Variants in PDE4D observed in about 807,000 individuals in gnomAD.
The protein encoded by PDE4D is 3',5'-cyclic-AMP phosphodiesterase 4D.
In PDE4D, 24 loss-of-function variants were observed where a neutral mutation model predicts 87.4. The ratio of observed to expected loss-of-function variants is 0.27; its 90% CI spans 0.20 to 0.39. PDE4D has a LOEUF of 0.39. Ranked by LOEUF, PDE4D falls within the 10% of genes least tolerant of loss-of-function variation. PDE4D has a pLI of 1.00. For synonymous variants in PDE4D, 384 were observed against 383.2 expected (o/e 1.00, Z -0.02); for missense variants, 714 against 1,041.0 (o/e 0.69, Z 4.32).
At chr5:60,476,332 T>A (rs186339691) in intron 1 of PDE4D, among the ~76,000 whole-genome samples, 1 of 152,278 alleles carries the variant, frequency 6.6e-6, no homozygotes, top group East Asian at 1.9e-4. Context: ...TCACAGTATC[T>A]AAATTTGGCT....
intron 1 of PDE4D, among the ~76,000 whole-genome samples, chr5:60,312,859 G>T (rs115060288): frequency 0.01 from 1,530 of 152,166 alleles, 14 homozygotes; most frequent in Middle Eastern, 0.024. Context: ...CAGAAATCAA[G>T]AAATTATTTG....
intron 1 of PDE4D, among the ~76,000 whole-genome samples, chr5:59,535,082 G>T (rs940600032): frequency 4.1e-5 from 6 of 148,110 alleles, no homozygotes; most frequent in Non-Finnish European, 7.5e-5. Context: ...TGTGTGGGGG[G>T]GGGGTCCTCT....
chr5:60,202,918 A>C (rs1351351833), intron 1 of PDE4D, among the ~76,000 whole-genome samples: 2 of 152,212 alleles, frequency 1.3e-5, no homozygotes, highest in African/African-American at 4.8e-5. Flanking sequence ...TATGAAAAAA[A>C]GACACATGGA....
chr5:59,846,976 G>A (rs1743953775), intron 1 of PDE4D, among the ~76,000 whole-genome samples: 1 of 151,990 alleles, frequency 6.6e-6, no homozygotes, highest in Non-Finnish European at 1.5e-5. Context: ...TTCAACCTCT[G>A]CCTTAACTCA....
At chr5:60,445,022 T>C (rs1745533893) in intron 1 of PDE4D, among the ~76,000 whole-genome samples, 1 of 152,018 alleles carries the variant, frequency 6.6e-6, no homozygotes, top group African/African-American at 2.4e-5. Flanking sequence ...CATTTTTAGT[T>C]GATAAAAATA....
chr5:60,067,067 C>T (rs947854546), intron 2 of PDE4D, among the ~76,000 whole-genome samples: 2 of 152,094 alleles, frequency 1.3e-5, no homozygotes, highest in South Asian at 2.1e-4. Context: ...TCTGTCCTCT[C>T]TGGACACAGC....
intron 1 of PDE4D, among the ~76,000 whole-genome samples, chr5:59,216,491 T>G (rs1019900500): frequency 6.6e-6 from 1 of 152,118 alleles, no homozygotes; most frequent in East Asian, 1.9e-4. Flanking sequence ...TCACCTATAT[T>G]ATTATAACAA....
chr5:59,673,334 T>C (rs1747524751), intron 1 of PDE4D, among the ~76,000 whole-genome samples: 1 of 152,176 alleles, frequency 6.6e-6, no homozygotes, highest in South Asian at 2.1e-4. Context: ...TCCAAGCAAG[T>C]ATAAGATGTT....
intron 1 of PDE4D, among the ~76,000 whole-genome samples, chr5:59,495,777 A>G (rs1047157178): frequency 2.6e-5 from 4 of 152,148 alleles, no homozygotes; most frequent in African/African-American, 9.7e-5. Flanking sequence ...CAACTGGAGA[A>G]GTGGCTCGCT....
At chr5:59,792,310 G>A (rs990904593) in intron 1 of PDE4D, among the ~76,000 whole-genome samples, 15 of 152,114 alleles carry the variant, frequency 9.9e-5, no homozygotes, top group Admixed American at 2.0e-4. Context: ...ACGTGGCAAC[G>A]CCTACATTTA....
chr5:59,053,362 TACACACACACACACACAC>T (rs57805618), intron 5 of PDE4D, among the ~76,000 whole-genome samples: 48 of 142,172 alleles, frequency 3.4e-4, no homozygotes, highest in Non-Finnish European at 5.8e-4. Flanking sequence ...TGGGTGTACA[TACACACACACACACACAC>T]ACACACACAC....
intron 1 of PDE4D, among the ~76,000 whole-genome samples, chr5:59,890,093 G>T (rs1354980962): frequency 1.3e-5 from 2 of 152,138 alleles, no homozygotes; most frequent in Non-Finnish European, 2.9e-5. Flanking sequence ...ATCTGGAAAT[G>T]CTACAGTGCA....
chr5:60,372,028 C>T (rs962787556), intron 1 of PDE4D, among the ~76,000 whole-genome samples: 6 of 152,254 alleles, frequency 3.9e-5, no homozygotes, highest in Non-Finnish European at 7.4e-5. Flanking sequence ...GTTCAGCCTT[C>T]GTAGATACTG....
At chr5:60,178,948 T>C (rs1784155049) in intron 2 of PDE4D, among the ~76,000 whole-genome samples, 1 of 152,058 alleles carries the variant, frequency 6.6e-6, no homozygotes, top group Non-Finnish European at 1.5e-5. Context: ...AAATAGTTGG[T>C]GAGGGCTTAA....
At chr5:60,240,535 A>G (rs1004814365) in intron 1 of PDE4D, among the ~76,000 whole-genome samples, 1 of 152,122 alleles carries the variant, frequency 6.6e-6, no homozygotes, top group African/African-American at 2.4e-5. Flanking sequence ...ACGGCCAGGT[A>G]TCTAGGGCCT....
At chr5:59,652,874 A>G (rs1743738420) in intron 1 of PDE4D, among the ~76,000 whole-genome samples, 1 of 152,154 alleles carries the variant, frequency 6.6e-6, no homozygotes, top group Non-Finnish European at 1.5e-5. Flanking sequence ...ATTGACAAAC[A>G]AAATGCTGAA....
chr5:59,954,423 C>T (rs1188721376), intron 3 of PDE4D, among the ~76,000 whole-genome samples: 1 of 152,094 alleles, frequency 6.6e-6, no homozygotes, highest in Non-Finnish European at 1.5e-5. Context: ...GATTACTAAA[C>T]AAACATCTTG....
At chr5:60,239,698 GGT>G (rs1746861758) in intron 1 of PDE4D, among the ~76,000 whole-genome samples, 1 of 151,794 alleles carries the variant, frequency 6.6e-6, no homozygotes, top group African/African-American at 2.4e-5. Context: ...CTGTATTCAT[GGT>G]ATCTGCTTTT....
At chr5:59,984,942 C>T (rs1403778780) in intron 3 of PDE4D, among the ~76,000 whole-genome samples, 2 of 151,808 alleles carry the variant, frequency 1.3e-5, no homozygotes, top group Non-Finnish European at 2.9e-5. Context: ...GGTATGGTCT[C>T]AGTATAGGTT....
Sources: gnomAD v4.1 joint callset for allele counts (sites outside exome capture counted in the v4.1 genomes callset) on GRCh38, gnomAD v4.1.1 for gene constraint, MANE v1.5 for transcripts, NCBI Gene and HGNC (gene_info 2026-07-23, HGNC 2026-07-21) for gene names.